CFAP20DC: variants seen among roughly 807,000 people sequenced by gnomAD.
CFAP20DC encodes the protein protein CFAP20DC.
A neutral mutation model predicts 101.7 loss-of-function variants in CFAP20DC; 84 were observed. The observed-to-expected ratio is 0.83, with a 90% CI of 0.69 to 0.99. The LOEUF is 0.99. CFAP20DC is among the 50% of genes least tolerant of loss of function. The pLI, the probability that CFAP20DC is intolerant of heterozygous loss-of-function variation, is 0.00. For missense variants in CFAP20DC, 1,007 were observed against 970.3 expected (o/e 1.04, Z -0.50); for synonymous variants, 359 against 351.2 (o/e 1.02, Z -0.25).
intron 14 of CFAP20DC, among the ~76,000 whole-genome samples, chr3:58,830,068 A>C (rs2076293304): frequency 6.6e-6 from 1 of 152,150 alleles, no homozygotes; most frequent in Admixed American, 6.5e-5. Flanking sequence ...GAAGTCAGAT[A>C]TTTTTCTGGG....
chr3:58,884,813 A>T, intron 6 of CFAP20DC, 104 bp from the exon 7 acceptor site: 1 of 939,390 alleles, frequency 1.1e-6, no homozygotes, highest in South Asian at 1.7e-5. Context: ...TTAGCGTATG[A>T]CTTTGTACGA....
intron 6 of CFAP20DC, among the ~76,000 whole-genome samples, chr3:58,895,007 G>T (rs1332568600): frequency 1.3e-5 from 2 of 152,232 alleles, no homozygotes; most frequent in Non-Finnish European, 2.9e-5. Flanking sequence ...GGGTCACAGG[G>T]CACCAAGTCC....
chr3:58,830,797 C>T (rs1392940955), intron 14 of CFAP20DC, among the ~76,000 whole-genome samples: 1 of 152,076 alleles, frequency 6.6e-6, no homozygotes, highest in Non-Finnish European at 1.5e-5. Context: ...GTTTCTCAGG[C>T]CTGTGGAGGT....
chr3:58,933,396 T>G (rs1032839473), intron 5 of CFAP20DC, among the ~76,000 whole-genome samples: 5 of 151,734 alleles, frequency 3.3e-5, no homozygotes, highest in Admixed American at 1.3e-4. Context: ...ACCCAGGAAT[T>G]GAACTCAGCT....
intron 15 of CFAP20DC, among the ~76,000 whole-genome samples, chr3:58,805,676 G>A (rs2074002943): frequency 6.6e-6 from 1 of 152,154 alleles, no homozygotes; most frequent in Non-Finnish European, 1.5e-5. Flanking sequence ...CCTAATATAT[G>A]ATAAATACTG....
At chr3:58,757,209 GC>G (rs2069039114) in intron 15 of CFAP20DC, among the ~76,000 whole-genome samples, 1 of 152,048 alleles carries the variant, frequency 6.6e-6, no homozygotes, top group Non-Finnish European at 1.5e-5. Flanking sequence ...TTTCCCGAGA[GC>G]AACTTTAGAG....
At chr3:58,987,122 A>C (rs575022520) in intron 4 of CFAP20DC, among the ~76,000 whole-genome samples, 1 of 152,260 alleles carries the variant, frequency 6.6e-6, no homozygotes, top group Non-Finnish European at 1.5e-5. Flanking sequence ...AATTACTCAG[A>C]ATGGAACACA....
chr3:58,994,201 C>T (rs2093035743), intron 4 of CFAP20DC, among the ~76,000 whole-genome samples: 1 of 152,182 alleles, frequency 6.6e-6, no homozygotes, highest in Admixed American at 6.5e-5. Flanking sequence ...CACATGTATA[C>T]CTTGCAAGCT....
chr3:58,930,720 T>C (rs538677288), intron 5 of CFAP20DC, among the ~76,000 whole-genome samples: 4 of 152,342 alleles, frequency 2.6e-5, no homozygotes, highest in Admixed American at 6.5e-5. Context: ...TTGGGAAAAT[T>C]ACACTGGTTT....
chr3:58,939,616 G>A (rs1363542357), intron 4 of CFAP20DC, among the ~76,000 whole-genome samples: 1 of 151,740 alleles, frequency 6.6e-6, no homozygotes, highest in African/African-American at 2.4e-5. Context: ...CCGCCACCAT[G>A]CCTGGCTAAT....
chr3:58,751,630 A>G (rs555406910), intron 16 of CFAP20DC, among the ~76,000 whole-genome samples: 1 of 152,280 alleles, frequency 6.6e-6, no homozygotes, highest in Non-Finnish European at 1.5e-5. Context: ...CTCTTAATGG[A>G]AAAATAATAT....
chr3:58,773,016 C>A (rs2070995100), intron 15 of CFAP20DC, among the ~76,000 whole-genome samples: 1 of 151,308 alleles, frequency 6.6e-6, no homozygotes, highest in African/African-American at 2.4e-5. Context: ...TTTTTTTACT[C>A]CTTTTTTTTT....
intron 15 of CFAP20DC, among the ~76,000 whole-genome samples, chr3:58,771,903 C>T (rs2070883618): frequency 6.6e-6 from 1 of 152,162 alleles, no homozygotes; most frequent in African/African-American, 2.4e-5. Flanking sequence ...TCTAGCCCTT[C>T]TTTGAGTCTT....
intron 6 of CFAP20DC, among the ~76,000 whole-genome samples, chr3:58,886,024 CTT>C (rs1341417397): frequency 2.0e-5 from 3 of 151,942 alleles, no homozygotes; most frequent in Admixed American, 6.6e-5. Context: ...TATATGACCT[CTT>C]TTATAGTAAA....
intron 7 of CFAP20DC, among the ~76,000 whole-genome samples, chr3:58,880,099 A>T (rs1457075027): frequency 6.6e-6 from 1 of 152,132 alleles, no homozygotes; most frequent in Non-Finnish European, 1.5e-5. Context: ...ACATCATACA[A>T]TCATTGACAT....
At position 59,049,625 on chromosome 3, in the gene CFAP20DC, T is replaced by C. The variant is rs1330585555; in HGVS notation, c.7A>G (p.Lys3Glu). ...TTTCGGGTTACCTGGTACTCATTTTTGAACATTCCCGCAGGGGGCCCAGGG... is the reference window on the plus strand; with the variant it reads ...TTTCGGGTTACCTGGTACTCATTTTCGAACATTCCCGCAGGGGGCCCAGGG... The part of the protein sequence containing the change: MF[K>E]NEYQGGAFVE... Residue 3 changes from lysine to glutamate, a missense_variant, in exon 1 of 17, where the codon AAA (lysine) becomes GAA (glutamate). By Grantham distance (56) the Lys-to-Glu change is moderately conservative (BLOSUM62 1). Transcript: ENST00000482387. 6.5e-7 allele frequency: 1 copy of C among 1,536,162 alleles called. No homozygotes were observed. Among genetic ancestry groups the C allele is most frequent in the Non-Finnish European group, 8.7e-7 (1 of 1,146,910 alleles).
intron 4 of CFAP20DC, among the ~76,000 whole-genome samples, chr3:59,013,937 TA>T (rs2108897051): frequency 6.6e-6 from 1 of 152,326 alleles, no homozygotes; most frequent in African/African-American, 2.4e-5. Flanking sequence ...TGATCTATTT[TA>T]AATATTTGCC....
intron 4 of CFAP20DC, among the ~76,000 whole-genome samples, chr3:59,019,474 G>A (rs2093758481): frequency 6.6e-6 from 1 of 151,874 alleles, no homozygotes. Flanking sequence ...AGAAGACTAT[G>A]CAGCCCTAGA....
intron 14 of CFAP20DC, among the ~76,000 whole-genome samples, chr3:58,811,512 T>G (rs374288376): frequency 2.0e-5 from 3 of 152,006 alleles, no homozygotes; most frequent in African/African-American, 7.2e-5. Flanking sequence ...ATGTAGAAAG[T>G]TGAAACTGGA....
Sources: allele counts gnomAD v4.1 joint callset (sites outside exome capture counted in the v4.1 genomes callset), GRCh38; gene constraint gnomAD v4.1.1; transcripts MANE v1.5; gene names NCBI Gene and HGNC (gene_info 2026-07-23, HGNC 2026-07-21).